Variants in KSR2 observed in about 807,000 individuals in gnomAD.
KSR2 encodes the protein kinase suppressor of ras 2.
KSR2 carries 25 observed loss-of-function variants against 107.8 expected under a neutral mutation model. That is an observed-to-expected ratio of 0.23 (90% CI 0.17 to 0.32). The LOEUF (loss-of-function observed/expected upper bound fraction) is 0.32. Among genes scored for constraint, KSR2 ranks in the 10% least tolerant of loss-of-function variants. The probability of loss-of-function intolerance (pLI) is 1.00; values close to 1 mark genes in which losing one functional copy is unlikely to be tolerated. For missense variants in KSR2, 887 were observed against 1,268.9 expected (o/e 0.70, Z 4.57); for synonymous variants, 480 against 507.0 (o/e 0.95, Z 0.71).
intron 1 of KSR2, chr12:117,889,413 C>T (rs1314264962): frequency 1.3e-5 from 2 of 152,206 alleles, no homozygotes; most frequent in Non-Finnish European, 1.5e-5. Context: ...TCAAACTTTC[C>T]ATCAACAATC....
chr12:117,666,406 G>A (rs1884662615), intron 5 of KSR2, among the ~76,000 whole-genome samples: 1 of 152,216 alleles, frequency 6.6e-6, no homozygotes, highest in Admixed American at 6.5e-5. Context: ...GCATTCTGCT[G>A]AGTATTTGAG....
intron 1 of KSR2, among the ~76,000 whole-genome samples, chr12:117,894,877 T>C (rs1023212375): frequency 6.6e-6 from 1 of 151,778 alleles, no homozygotes; most frequent in Non-Finnish European, 1.5e-5. Flanking sequence ...GTGAGTCAAT[T>C]AAACCTCTTT....
At chr12:117,908,658 C>T (rs1320066277) in intron 1 of KSR2, among the ~76,000 whole-genome samples, 1 of 152,184 alleles carries the variant, frequency 6.6e-6, no homozygotes, top group Non-Finnish European at 1.5e-5. Flanking sequence ...CATACAACTG[C>T]AAGAAACACG....
At chr12:117,794,415 G>A (rs1330816703) in intron 3 of KSR2, among the ~76,000 whole-genome samples, 6 of 55,948 alleles carry the variant, frequency 1.1e-4, no homozygotes, top group African/African-American at 3.1e-4. Context: ...GCACACACAT[G>A]CACATACAAC....
chr12:117,532,912 C>T (rs542440978), intron 10 of KSR2, among the ~76,000 whole-genome samples: 2 of 152,246 alleles, frequency 1.3e-5, no homozygotes, highest in East Asian at 3.9e-4. Flanking sequence ...GACAAGCCAC[C>T]ACTGGAGTTG....
intron 14 of KSR2, among the ~76,000 whole-genome samples, chr12:117,494,960 G>A (rs1872944059): frequency 1.3e-5 from 2 of 152,234 alleles, no homozygotes; most frequent in Non-Finnish European, 2.9e-5. Flanking sequence ...ACACGGCAAA[G>A]GCCATCTGGC....
At chr12:117,960,277 A>G (rs1386024289) in intron 1 of KSR2, among the ~76,000 whole-genome samples, 1 of 152,100 alleles carries the variant, frequency 6.6e-6, no homozygotes, top group Non-Finnish European at 1.5e-5. Context: ...TGGCTGTGGT[A>G]TATTGTGACA....
At chr12:117,773,146 T>A (rs1406389902) in intron 3 of KSR2, among the ~76,000 whole-genome samples, 1 of 152,240 alleles carries the variant, frequency 6.6e-6, no homozygotes, top group Non-Finnish European at 1.5e-5. Flanking sequence ...TAATAAAGTC[T>A]GAGGGAAATA....
At chr12:117,654,987 G>A (rs1441833078) in intron 5 of KSR2, among the ~76,000 whole-genome samples, 2 of 152,192 alleles carry the variant, frequency 1.3e-5, no homozygotes, top group Non-Finnish European at 2.9e-5. Context: ...CCTGGCTACG[G>A]CCACTGCTGA....
intron 14 of KSR2, chr12:117,517,671 A>G: frequency 2.7e-6 from 1 of 366,874 alleles, no homozygotes; most frequent in South Asian, 2.1e-5. Flanking sequence ...GGTGCTTTAC[A>G]TTTCAGCACA....
At chr12:117,596,512 C>T (rs776853701) in intron 5 of KSR2, among the ~76,000 whole-genome samples, 25 of 152,304 alleles carry the variant, frequency 1.6e-4, no homozygotes, top group Non-Finnish European at 3.2e-4. Flanking sequence ...CCAGACATCA[C>T]CTCGTAGCGA....
rs1870689821 is a variant in KSR2 at position 117,457,717 on chromosome 12, T to C, written c.*9482A>G. On this transcript the variant is annotated 3_prime_UTR_variant, in exon 20 of 20. Coordinates refer to ENST00000339824, the MANE Select transcript of KSR2 (RefSeq NM_173598.6). ...GGATGTCACCAGTACCAGGTGCTAC[T>C]GGTATCTTGTGGGGAGAGTTGAGGA... 6.6e-6 allele frequency: 1 copy of C among 152,210 alleles called. No individual in the cohort carries two copies. The highest frequency in any genetic ancestry group is 1.5e-5 in the Non-Finnish European group (1 of 68,050). The allele number at this position is 152,210 out of a possible 1,614,324, so 9.4% of individuals were successfully genotyped here.
At chr12:117,940,690 G>C (rs1942525785) in intron 1 of KSR2, among the ~76,000 whole-genome samples, 2 of 152,174 alleles carry the variant, frequency 1.3e-5, no homozygotes, top group South Asian at 4.1e-4. Context: ...AAGGAATATG[G>C]CAAAGAGCAC....
intron 9 of KSR2, among the ~76,000 whole-genome samples, 159 bp downstream of exon 9, chr12:117,555,010 G>A (rs557964649): frequency 2.0e-5 from 3 of 152,180 alleles, no homozygotes; most frequent in East Asian, 3.9e-4. Context: ...ATCTCTGGAC[G>A]TCCCTCAAGC....
chr12:117,467,703 C>A, intron 19 of KSR2: 1 of 372,288 alleles, frequency 2.7e-6, no homozygotes, highest in Admixed American at 3.9e-5. Flanking sequence ...CACACTGCAG[C>A]CTCCTGCTAT....
chr12:117,927,216 A>G (rs531998181), intron 1 of KSR2, among the ~76,000 whole-genome samples: 33 of 151,696 alleles, frequency 2.2e-4, no homozygotes, highest in Middle Eastern at 3.4e-3. Context: ...TCTCTACTAA[A>G]AATACAAAAA....
chr12:117,738,539 T>A (rs1888033893), intron 4 of KSR2, among the ~76,000 whole-genome samples: 1 of 152,026 alleles, frequency 6.6e-6, no homozygotes, highest in Non-Finnish European at 1.5e-5. Flanking sequence ...GATCTAAACA[T>A]ATATAAATAT....
chr12:117,563,240 G>A (rs1175699102), intron 7 of KSR2, among the ~76,000 whole-genome samples: 4 of 152,164 alleles, frequency 2.6e-5, no homozygotes, highest in Admixed American at 6.5e-5. Context: ...TTTTGGGAAT[G>A]CAAATTTTAA....
intron 4 of KSR2, among the ~76,000 whole-genome samples, chr12:117,760,734 G>A (rs553659832): frequency 6.6e-6 from 1 of 152,216 alleles, no homozygotes; most frequent in African/African-American, 2.4e-5. Flanking sequence ...GATCATGGGC[G>A]TGTTCCAATA....
Sources: allele counts gnomAD v4.1 joint callset (sites outside exome capture counted in the v4.1 genomes callset), GRCh38; gene constraint gnomAD v4.1.1; transcripts MANE v1.5; gene names NCBI Gene and HGNC (gene_info 2026-07-23, HGNC 2026-07-21).